The following NCAM1 variants were observed in gnomAD, a reference collection of about 807,000 sequenced individuals.
NCAM1 encodes neural cell adhesion molecule 1.
A neutral mutation model predicts 109.8 loss-of-function variants in NCAM1; 14 were observed. The observed-to-expected ratio is 0.13, with a 90% CI of 0.08 to 0.20. The LOEUF (loss-of-function observed/expected upper bound fraction) is 0.20, where lower values mean the gene tolerates loss of function less well. NCAM1 is among the 10% of genes least tolerant of loss of function. The pLI is 1.00. For synonymous variants in NCAM1, 418 were observed against 442.9 expected (o/e 0.94, Z 0.70); for missense variants, 774 against 1,109.9 (o/e 0.70, Z 4.30).
chr11:113,089,358 A>G (rs1555088937), intron 1 of NCAM1, among the ~76,000 whole-genome samples: 1 of 135,610 alleles, frequency 7.4e-6, no homozygotes, highest in Non-Finnish European at 1.6e-5. Flanking sequence ...CCTTGAAACT[A>G]AAAAATAGAG....
intron 1 of NCAM1, among the ~76,000 whole-genome samples, chr11:113,175,005 C>T (rs1943103069): frequency 6.6e-6 from 1 of 152,226 alleles, no homozygotes; most frequent in South Asian, 2.1e-4. Context: ...AAAAGGCTTC[C>T]TCCATGGAAC....
chr11:113,136,603 A>G (rs1766927180), intron 1 of NCAM1, among the ~76,000 whole-genome samples: 1 of 152,192 alleles, frequency 6.6e-6, no homozygotes, highest in African/African-American at 2.4e-5. Context: ...TGGTGTTTGA[A>G]TCAGTAATAA....
At chr11:113,037,298 T>G (rs1371239123) in intron 1 of NCAM1, among the ~76,000 whole-genome samples, 1 of 152,194 alleles carries the variant, frequency 6.6e-6, no homozygotes, top group Non-Finnish European at 1.5e-5. Context: ...GAATGACACA[T>G]GGAGAAAAAC....
intron 1 of NCAM1, among the ~76,000 whole-genome samples, chr11:113,082,067 T>G (rs576774349): frequency 6.6e-6 from 1 of 152,366 alleles, no homozygotes; most frequent in East Asian, 1.9e-4. Flanking sequence ...GTTTCGATTA[T>G]AAGCATATCA....
intron 7 of NCAM1, among the ~76,000 whole-genome samples, chr11:113,209,157 GA>G (rs1239779214): frequency 2.0e-5 from 3 of 152,350 alleles, no homozygotes; most frequent in South Asian, 2.1e-4. Context: ...GTGCCAGTCT[GA>G]GGCGCAGCTC....
In NCAM1 at chr11:113,275,305, C is replaced by T. The variant is rs1946379134; in HGVS notation, c.2495C>T (p.Thr832Ile). ...PVEAKPECQETETKPAPAEVK... is the reference protein window; with the variant it reads ...PVEAKPECQEIETKPAPAEVK... ...GAAGCAAAGCCAGAGTGCCAGGAGA[C>T]AGAAACGAAGCCAGCGCCAGCCGAA... Residue 832 changes from threonine to isoleucine, a missense_variant, in exon 20 of 20, where the codon ACA becomes ATA. By Grantham distance (89) the Thr-to-Ile change is moderately conservative. Transcript: ENST00000316851. 1 of 1,613,736 alleles carries T rather than the reference C, an allele frequency of 6.2e-7. No individual in the cohort carries two copies. Among genetic ancestry groups the T allele is most frequent in the Non-Finnish European group, 8.5e-7 (1 of 1,179,830 alleles).
At chr11:113,074,843 G>T (rs1296834372) in intron 1 of NCAM1, among the ~76,000 whole-genome samples, 11 of 152,132 alleles carry the variant, frequency 7.2e-5, no homozygotes, top group Admixed American at 5.2e-4. Flanking sequence ...TGTTGGCCAG[G>T]CTGGTCTCGA....
At chr11:113,162,327 A>T (rs1465136544) in intron 1 of NCAM1, among the ~76,000 whole-genome samples, 2 of 152,114 alleles carry the variant, frequency 1.3e-5, no homozygotes, top group African/African-American at 4.8e-5. Context: ...GTTTAAAAAA[A>T]TGAAAAAAAA....
intron 1 of NCAM1, among the ~76,000 whole-genome samples, chr11:113,160,101 G>A (rs1256924414): frequency 1.3e-5 from 2 of 152,040 alleles, no homozygotes; most frequent in Non-Finnish European, 2.9e-5. Context: ...CCCCATGCCT[G>A]GAGAGACTGT....
chr11:113,061,671 C>G (rs1379634604), intron 1 of NCAM1, among the ~76,000 whole-genome samples: 1 of 152,188 alleles, frequency 6.6e-6, no homozygotes, highest in Non-Finnish European at 1.5e-5. Context: ...CATCCTGTCC[C>G]CCGTATGTGT....
intron 1 of NCAM1, among the ~76,000 whole-genome samples, chr11:113,032,761 T>G (rs1952760138): frequency 6.6e-6 from 1 of 151,920 alleles, no homozygotes; most frequent in Admixed American, 6.6e-5. Flanking sequence ...AAGAAAAGAG[T>G]GGAAGTGGAG....
At chr11:113,080,725 G>A (rs1288616060) in intron 1 of NCAM1, among the ~76,000 whole-genome samples, 2 of 152,182 alleles carry the variant, frequency 1.3e-5, no homozygotes, top group African/African-American at 4.8e-5. Context: ...ACATTGGATC[G>A]TACACATGGA....
At position 113,231,812 on chromosome 11, in the gene NCAM1, G is replaced by A. The variant is rs782309384; in HGVS notation, c.1240+17G>A. 4.3e-6 allele frequency: 7 copies of A among 1,613,848 alleles called. No homozygotes were observed. The Admixed American group carries it at 6.7e-5, about 15-fold the overall frequency. On this transcript the variant is annotated intron_variant, in intron 10 of 19. Transcript: ENST00000316851. ...AAGTGCAATGTAAGGAATAAATGGGGAAGGACCTGGGGGAGGGAGGGGCAA... is the reference window on the plus strand; with the variant it reads ...AAGTGCAATGTAAGGAATAAATGGGAAAGGACCTGGGGGAGGGAGGGGCAA...
At chr11:113,219,773 A>G (rs1363473270) in intron 8 of NCAM1, among the ~76,000 whole-genome samples, 1 of 152,240 alleles carries the variant, frequency 6.6e-6, no homozygotes, top group Non-Finnish European at 1.5e-5. Flanking sequence ...AGTCTCTCAA[A>G]AGAAAGATCT....
chr11:113,271,902 CCTG>C, intron 19 of NCAM1, 26 bp downstream of exon 19: 1 of 1,533,752 alleles, frequency 6.5e-7, no homozygotes, highest in Non-Finnish European at 8.8e-7. Flanking sequence ...GGGGCTGGCA[CCTG>C]CTCCGTAGAG....
At chr11:113,231,956 C>T (rs1555117333) in intron 10 of NCAM1, among the ~76,000 whole-genome samples, 161 bp downstream of exon 10, 1 of 152,152 alleles carries the variant, frequency 6.6e-6, no homozygotes, top group Non-Finnish European at 1.5e-5. Flanking sequence ...CCAAGCCACC[C>T]CCTACACACC....
At chr11:113,173,609 TA>T (rs1555106592) in intron 1 of NCAM1, among the ~76,000 whole-genome samples, 1 of 140,350 alleles carries the variant, frequency 7.1e-6, no homozygotes, top group African/African-American at 2.6e-5. Context: ...TATATATATA[TA>T]TATATATATA....
At chr11:112,988,367 A>G (rs1404621980) in intron 1 of NCAM1, among the ~76,000 whole-genome samples, 3 of 152,098 alleles carry the variant, frequency 2.0e-5, no homozygotes, top group Admixed American at 1.3e-4. Context: ...ACTATTTACC[A>G]TTACCATTGA....
intron 1 of NCAM1, among the ~76,000 whole-genome samples, chr11:113,068,271 G>A (rs181771795): frequency 1.3e-5 from 2 of 152,134 alleles, no homozygotes; most frequent in Admixed American, 6.5e-5. Context: ...ACAACAAGAG[G>A]TTAAGAACTC....
Sources: allele counts gnomAD v4.1 joint callset (sites outside exome capture counted in the v4.1 genomes callset), GRCh38; gene constraint gnomAD v4.1.1; transcripts MANE v1.5; gene names NCBI Gene and HGNC (gene_info 2026-07-23, HGNC 2026-07-21).